KLHL13: variants seen among roughly 807,000 people sequenced by gnomAD.
The protein encoded by KLHL13 is kelch like family member 13.
A neutral mutation model predicts 37.1 loss-of-function variants in KLHL13; 10 were observed. The ratio of observed to expected loss-of-function variants is 0.27; its 90% CI spans 0.17 to 0.46. The LOEUF is 0.46. Among genes scored for constraint, KLHL13 ranks in the 20% least tolerant of loss-of-function variants. KLHL13 has a pLI of 1.00. For synonymous variants in KLHL13, 163 were observed against 181.2 expected, an observed-to-expected ratio of 0.90 and a Z score of 0.81; for missense variants, 360 against 509.3, an observed-to-expected ratio of 0.71 and a Z score of 2.82.
At chrX:118,032,866 C>T (rs1191858980) in intron 1 of KLHL13, among the ~76,000 whole-genome samples, 2 of 111,166 alleles carry the variant, frequency 1.8e-5, no homozygotes, top group South Asian at 3.8e-4. Flanking sequence ...GAATGTATAA[C>T]TAGAATAACC....
At chrX:117,921,074 A>C (rs1225229590) in intron 2 of KLHL13, among the ~76,000 whole-genome samples, 1 of 111,839 alleles carries the variant, frequency 8.9e-6, no homozygotes, top group Admixed American at 9.5e-5. Flanking sequence ...AATTCAGAGG[A>C]GTGACAGAGC....
At chrX:117,918,566 G>A (rs1415304684) in intron 4 of KLHL13, among the ~76,000 whole-genome samples, 1 of 111,280 alleles carries the variant, frequency 9.0e-6, no homozygotes, top group African/African-American at 3.3e-5. Flanking sequence ...CAAGACCTCT[G>A]GAAGTCTTGG....
intron 1 of KLHL13, among the ~76,000 whole-genome samples, chrX:118,031,522 T>C (rs1263819003): frequency 1.3e-5 from 1 of 78,889 alleles, no homozygotes; most frequent in Non-Finnish European, 2.3e-5. Flanking sequence ...CACACATATA[T>C]ATTTAGTTAT....
At chrX:117,951,297 C>T (rs982839439) in intron 1 of KLHL13, among the ~76,000 whole-genome samples, 7 of 111,453 alleles carry the variant, frequency 6.3e-5, no homozygotes, top group Admixed American at 1.9e-4. Flanking sequence ...AAAGATTTGT[C>T]CCCCAACTAA....
At chrX:118,064,779 T>C (rs761099004) in intron 1 of KLHL13, among the ~76,000 whole-genome samples, 1 of 111,809 alleles carries the variant, frequency 8.9e-6, no homozygotes, top group East Asian at 2.8e-4. Flanking sequence ...CACTACATAT[T>C]TGCTAGCTGT....
intron 1 of KLHL13, among the ~76,000 whole-genome samples, chrX:118,100,714 T>C (rs1378777369): frequency 9.0e-6 from 1 of 111,537 alleles, no homozygotes; most frequent in African/African-American, 3.3e-5. Context: ...CCAATTTTTC[T>C]GTATTCTCTC....
chrX:118,091,949 C>T (rs2055140772), intron 1 of KLHL13, among the ~76,000 whole-genome samples: 1 of 112,112 alleles, frequency 8.9e-6, no homozygotes, highest in Admixed American at 9.5e-5. Context: ...AGTGAAGTAA[C>T]TCAGGAATGG....
chrX:118,101,242 T>C (rs1410184783), intron 1 of KLHL13, among the ~76,000 whole-genome samples: 1 of 111,938 alleles, frequency 8.9e-6, no homozygotes, highest in Non-Finnish European at 1.9e-5. Flanking sequence ...AGTACTGCAG[T>C]TTCCAGATGG....
At chrX:117,908,109 A>ATTTC (rs2147632312) in intron 5 of KLHL13, among the ~76,000 whole-genome samples, 1 of 105,717 alleles carries the variant, frequency 9.5e-6, no homozygotes, top group South Asian at 4.1e-4. Flanking sequence ...TTATTTATTT[A>ATTTC]TTTATTGTGT....
chrX:118,097,127 G>A (rs2055218296), intron 1 of KLHL13, among the ~76,000 whole-genome samples: 1 of 111,343 alleles, frequency 9.0e-6, no homozygotes, highest in African/African-American at 3.3e-5. Flanking sequence ...TAGGAAAAGA[G>A]GAAGTCAAAT....
intron 1 of KLHL13, among the ~76,000 whole-genome samples, chrX:117,989,142 T>C (rs1424369677): frequency 8.9e-6 from 1 of 111,980 alleles, no homozygotes; most frequent in Non-Finnish European, 1.9e-5. Flanking sequence ...CAAAGTATTT[T>C]ACTTGCTTTA....
chrX:118,095,822 A>G (rs1417681379), intron 1 of KLHL13, among the ~76,000 whole-genome samples: 1 of 112,178 alleles, frequency 8.9e-6, no homozygotes. Flanking sequence ...AGGCAGAAAT[A>G]AAGATGTTCT....
At chrX:118,109,091 C>A (rs911483611) in intron 1 of KLHL13, among the ~76,000 whole-genome samples, 1 of 112,200 alleles carries the variant, frequency 8.9e-6, no homozygotes, top group African/African-American at 3.2e-5. Context: ...GTTGGGATAA[C>A]AGGAGTGAGC....
chrX:117,909,375 C>T (rs1199927214), exon 5 of KLHL13: 3 of 1,210,441 alleles, frequency 2.5e-6, no homozygotes, highest in Non-Finnish European at 3.4e-6. Flanking sequence ...GAAGAAGGTG[C>T]GCTTTTCATT....
chrX:118,036,688 G>A lies in KLHL13; in HGVS notation c.-56+79820C>T, dbSNP rs796781382. Among the ~76,000 whole-genome samples, 11 of 111,136 alleles carry A rather than the reference G, an allele frequency of 9.9e-5. No homozygotes were observed. The South Asian group carries it at 1.5e-3, about 15-fold the overall frequency. ...CATTCAGGACATAGGCATGGGCAAG[G>A]ACTTCATGTCTAAAACACCAAAAGC... On this transcript the variant is annotated intron_variant, in intron 1 of 6. Coordinates refer to the KLHL13 transcript ENST00000371882.
rs192398487 is a variant in KLHL13 at position 118,016,222 on chromosome X, T to C, written c.-55-70647A>G. 1.4e-4 allele frequency among the ~76,000 whole-genome samples: 16 copies of C among 111,772 alleles called. No homozygotes were observed. The South Asian group carries it at 1.5e-3, about 10-fold the overall frequency. ...ACAGATGAGGACACCACTTGACAAA[T>C]AGTAAAGGCTAAATATTTTTAAACA... On this transcript the variant is annotated intron_variant, in intron 1 of 6. Transcript: ENST00000371882.
At chrX:118,102,160 T>G (rs1199923711) in intron 1 of KLHL13, among the ~76,000 whole-genome samples, 1 of 111,471 alleles carries the variant, frequency 9.0e-6, no homozygotes, top group African/African-American at 3.3e-5. Context: ...AGTCTTAATT[T>G]TTACCATGAA....
At chrX:117,904,842 A>G (rs1444060640) in intron 5 of KLHL13, among the ~76,000 whole-genome samples, 1 of 111,526 alleles carries the variant, frequency 9.0e-6, no homozygotes, top group Non-Finnish European at 1.9e-5. Context: ...CTGGCCCCTA[A>G]TCTAGAGAAT....
chrX:118,055,854 A>G (rs989216888), intron 1 of KLHL13, among the ~76,000 whole-genome samples: 1 of 112,016 alleles, frequency 8.9e-6, no homozygotes, highest in Admixed American at 9.5e-5. Flanking sequence ...AAAATTAGGA[A>G]CAAAACAAGG....
Sources: gnomAD v4.1 joint callset for allele counts (sites outside exome capture counted in the v4.1 genomes callset) on GRCh38, gnomAD v4.1.1 for gene constraint, MANE v1.5 for transcripts, NCBI Gene and HGNC (gene_info 2026-07-23, HGNC 2026-07-21) for gene names.